Variants in CHRDL2 observed in about 807,000 individuals in gnomAD.
The protein encoded by CHRDL2 is chordin like 2.
Under a neutral mutation model 54.3 loss-of-function variants are expected in CHRDL2, and 41 were observed. That is an observed-to-expected ratio of 0.76 (90% CI 0.59 to 0.98). The LOEUF is 0.98. Ranked by LOEUF, CHRDL2 falls within the 50% of genes least tolerant of loss-of-function variation. CHRDL2 has a pLI of 0.00. For synonymous variants in CHRDL2, 220 were observed against 224.3 expected (o/e 0.98, Z 0.17); for missense variants, 518 against 562.4 (o/e 0.92, Z 0.80).
In CHRDL2 at chr11:74,710,829, G is replaced by A; in HGVS notation, c.432+20C>T. The A allele has an allele frequency of 3.1e-6, 5 of 1,613,270 alleles. No individual in the cohort carries two copies. Among genetic ancestry groups the A allele is most frequent in the South Asian group, 1.1e-5 (1 of 90,878 alleles). On this transcript the variant is annotated intron_variant, in intron 4 of 10. Coordinates refer to ENST00000376332, the MANE Select transcript of CHRDL2 (RefSeq NM_001278473.3). ...GCCCAGAGCGCTGGCCTGTGCTGAAGGGAAGGCAGGAGTTCTTACTGTGCA... is the reference window on the plus strand; with the variant it reads ...GCCCAGAGCGCTGGCCTGTGCTGAAAGGAAGGCAGGAGTTCTTACTGTGCA...
Position 74,697,528 on chromosome 11 carries a change from A to G in CHRDL2, c.1121-231T>C. 8.7e-6 allele frequency: 5 copies of G among 575,440 alleles called. 1 individual carries two copies. The highest frequency in any genetic ancestry group is 9.5e-6 in the Non-Finnish European group (3 of 314,380). The allele number at this position is 575,440 out of a possible 1,614,324, so 35.6% of individuals were successfully genotyped here. ...GTTGTCTTGTCTGGGTCACTACACT[A>G]GAGTCCTAACCCCTTTCACTCCCCC... On this transcript the variant is annotated intron_variant, in intron 9 of 10. Transcript: ENST00000376332.
intron 6 of CHRDL2, among the ~76,000 whole-genome samples, chr11:74,705,410 G>T (rs2033978615): frequency 6.6e-6 from 1 of 152,192 alleles, no homozygotes; most frequent in Admixed American, 6.5e-5. Flanking sequence ...TTCTTCTAGA[G>T]CCCATTCCTG....
chr11:74,704,536 C>T lies in CHRDL2; in HGVS notation c.701G>A (p.Gly234Glu), dbSNP rs777511241. ...GATCTTGACAGTTGTGCTGCCTGCT[C>T]CCTTGGGTCTGAAGTGGCGAGGGAT... Reference protein sequence around the residue: ...SFIPRHFRPKGAGSTTVKIVL... With the variant: ...SFIPRHFRPKEAGSTTVKIVL... Residue 234 changes from glycine (G) to glutamate (E), a missense_variant, in exon 7 of 11, where the codon GGA becomes GAA. Physicochemically the swap from Gly to Glu is moderately conservative, Grantham distance 98. Transcript: ENST00000376332. 1.3e-6 allele frequency: 2 copies of T among 1,584,876 alleles called. No homozygotes were observed.
chr11:74,719,823 C>T (rs1001839309), intron 1 of CHRDL2, among the ~76,000 whole-genome samples: 2 of 152,162 alleles, frequency 1.3e-5, no homozygotes, highest in East Asian at 3.9e-4. Context: ...CCTCCCATAA[C>T]CCACTGATCC....
chr11:74,703,353 AG>A lies in CHRDL2; in HGVS notation c.897del (p.Cys300AlafsTer73), dbSNP rs1360239230. 2 of 1,612,806 alleles carry A rather than the reference AG, an allele frequency of 1.2e-6. No homozygotes were observed. Among genetic ancestry groups the A allele is most frequent in the Non-Finnish European group, 1.7e-6 (2 of 1,179,450 alleles). On this transcript the variant is annotated frameshift_variant, in exon 8 of 11. Coordinates refer to ENST00000376332, the MANE Select transcript of CHRDL2 (RefSeq NM_001278473.3). LOFTEE classifies it high-confidence loss of function. ...CQRVTCPTEY[P>X]CRHPEKVAGK... ...CCAGCCACTTTCTCGGGGTGACGGC[AG>A]GGGTACTCGGTGGGACAGGTCACAC...
intron 1 of CHRDL2, among the ~76,000 whole-genome samples, chr11:74,724,816 C>T (rs12576444): frequency 0.39 from 59,868 of 152,032 alleles, 13,260 homozygotes; most frequent in Admixed American, 0.55. Flanking sequence ...GCTTCCTAAC[C>T]AAACTGGGAC....
intron 2 of CHRDL2, among the ~76,000 whole-genome samples, chr11:74,716,121 C>T (rs751324542): frequency 7.2e-5 from 11 of 151,986 alleles, no homozygotes; most frequent in African/African-American, 1.7e-4. Flanking sequence ...AGGAACTGTT[C>T]GTGAGAAGAT....
At chr11:74,703,183 T>C (rs2033886967) in intron 8 of CHRDL2, 122 bp downstream of exon 8, 3 of 1,240,464 alleles carry the variant, frequency 2.4e-6, no homozygotes, top group Non-Finnish European at 3.3e-6. Flanking sequence ...ATGCCCTGCA[T>C]CCTGTGGCAC....
chr11:74,715,978 AAAAT>A (rs973033623), intron 2 of CHRDL2, among the ~76,000 whole-genome samples: 2 of 150,684 alleles, frequency 1.3e-5, no homozygotes, highest in Non-Finnish European at 3.0e-5. Flanking sequence ...ACTCTGTCTC[AAAAT>A]AAATAAATAA....
At chr11:74,709,131 G>A (rs1323817639) in intron 4 of CHRDL2, among the ~76,000 whole-genome samples, 2 of 152,236 alleles carry the variant, frequency 1.3e-5, no homozygotes, top group Non-Finnish European at 2.9e-5. Context: ...GGTGAGGCCA[G>A]AAGAAAAGCC....
At position 74,731,238 on chromosome 11, in the gene CHRDL2, G is replaced by T; in HGVS notation, c.-350C>A. The T allele has an allele frequency of 5.6e-6, 1 of 178,432 alleles. No homozygotes were observed. The highest frequency in any genetic ancestry group is 1.2e-5 in the Non-Finnish European group (1 of 84,894). The allele number at this position is 178,432 out of a possible 1,614,324, so 11.1% of individuals were successfully genotyped here. A position where few individuals can be genotyped will look rare whatever the true frequency, so the allele number is the denominator to read the frequency against. ...GACCGGCGTCTGCCGAGCGCGCAGC[G>T]CCGGGCGAGGCGCGCGGGACCAGCG... On this transcript the variant is annotated 5_prime_UTR_variant, in exon 1 of 11. Coordinates refer to ENST00000376332, the MANE Select transcript of CHRDL2 (RefSeq NM_001278473.3). The surrounding 1 kb of genome is among the most constrained non-coding windows in gnomAD (Gnocchi z 4.4).
intron 1 of CHRDL2, among the ~76,000 whole-genome samples, chr11:74,720,956 G>A (rs1212965110): frequency 2.0e-5 from 3 of 152,300 alleles, no homozygotes; most frequent in Non-Finnish European, 4.4e-5. Context: ...CTGCTGTCAC[G>A]ATGCCTTCAG....
In CHRDL2 at chr11:74,730,798, T is replaced by A; in HGVS notation, c.82+9A>T. 1 of 1,606,822 alleles carries A rather than the reference T, an allele frequency of 6.2e-7. No homozygotes were observed. The highest frequency in any genetic ancestry group is 1.3e-5 in the African/African-American group (1 of 74,942). On this transcript the variant is annotated intron_variant, in intron 1 of 10. Coordinates refer to ENST00000376332, the MANE Select transcript of CHRDL2 (RefSeq NM_001278473.3). ...CTCCTCTGCCCACCCAGCCTCCCGG[T>A]CTACTTACGGGCTCGAGCGTGGGAG...
At chr11:74,705,940 G>A (rs546273888) in intron 6 of CHRDL2, among the ~76,000 whole-genome samples, 5 of 152,276 alleles carry the variant, frequency 3.3e-5, no homozygotes, top group African/African-American at 1.2e-4. Context: ...GGCAGACATA[G>A]CAGAGAGGAC....
Position 74,708,285 on chromosome 11 carries a change from T to G in CHRDL2, c.526+17A>C. ...GGAGGGGTGGGTGAGTGCTGCCAGA[T>G]GGAGGGACAGACTCACCTTTGCAGG... On this transcript the variant is annotated intron_variant, in intron 5 of 10. Transcript: ENST00000376332. The G allele has an allele frequency of 6.5e-7, 1 of 1,533,362 alleles. No homozygotes were observed. The highest frequency in any genetic ancestry group is 8.8e-7 in the Non-Finnish European group (1 of 1,139,300). The allele number at this position is 1,533,362 out of a possible 1,614,324, so 95.0% of individuals were successfully genotyped here.
chr11:74,706,626 T>A, intron 5 of CHRDL2, 84 bp from the exon 6 acceptor site: 1 of 1,314,672 alleles, frequency 7.6e-7, no homozygotes, highest in Non-Finnish European at 1.1e-6. Flanking sequence ...CTATAGGCTC[T>A]GTCCATTCCC....
chr11:74,717,049 G>A (rs1257858299), intron 2 of CHRDL2, among the ~76,000 whole-genome samples: 3 of 152,062 alleles, frequency 2.0e-5, no homozygotes, highest in Non-Finnish European at 4.4e-5. Flanking sequence ...AGCTGAGATC[G>A]CACCACTGCA....
chr11:74,702,669 T>C (rs2033858571), intron 9 of CHRDL2, 125 bp downstream of exon 9: 2 of 919,818 alleles, frequency 2.2e-6, no homozygotes, highest in African/African-American at 1.6e-5. Flanking sequence ...CAGGGGCTCT[T>C]AAACCTGGCG....
Position 74,708,348 on chromosome 11 carries a change from G to C in CHRDL2, c.480C>G (p.Cys160Trp). ...AGTCTGGCAGCGGGAGGGGTGCTGG[G>C]CAGCCTGGTTCGGGGCAGGTTGTGA... ...CGLTTCPEPG[C>W]PAPLPLPDSC... The change falls in exon 5 of 11, where the codon TGC becomes TGG. Residue 160 changes from cysteine (C) to tryptophan (W), a missense_variant. Cys to Trp is a radical substitution (Grantham distance 215). Transcript: ENST00000376332. 3 of 1,585,846 alleles carry C rather than the reference G, an allele frequency of 1.9e-6. No individual in the cohort carries two copies. The highest frequency in any genetic ancestry group is 2.6e-6 in the Non-Finnish European group (3 of 1,169,310).
Sources: allele counts gnomAD v4.1 joint callset (sites outside exome capture counted in the v4.1 genomes callset), GRCh38; gene constraint gnomAD v4.1.1; non-coding constraint Gnocchi (gnomAD v3.1); transcripts MANE v1.5; gene names NCBI Gene and HGNC (gene_info 2026-07-23, HGNC 2026-07-21).